INTS11: variants seen among roughly 807,000 people sequenced by gnomAD.
INTS11 encodes the protein CPSF3-like protein.
INTS11 carries 77 observed loss-of-function variants against 78.6 expected under a neutral mutation model. That is an observed-to-expected ratio of 0.98 (90% CI 0.81 to 1.18). The LOEUF (loss-of-function observed/expected upper bound fraction) is 1.18, where lower values mean the gene tolerates loss of function less well. Among genes scored for constraint, INTS11 ranks in the 50% most tolerant of loss-of-function variants. The pLI is 0.00. For missense variants in INTS11, 875 were observed against 825.9 expected, an observed-to-expected ratio of 1.06 and a Z score of -0.73; for synonymous variants, 441 against 326.9, an observed-to-expected ratio of 1.35 and a Z score of -3.77.
At chr1:1,313,427 T>C (rs921073329) in intron 10 of INTS11, 82 bp downstream of exon 10, 41 of 1,504,068 alleles carry the variant, frequency 2.7e-5, no homozygotes, top group Non-Finnish European at 3.6e-5. Flanking sequence ...GCCAAGCCAG[T>C]GAGAGCTCAG....
At chr1:1,313,184 G>C in intron 10 of INTS11, 60 bp from the exon 11 acceptor site, 1 of 1,525,344 alleles carries the variant, frequency 6.6e-7, no homozygotes, top group Non-Finnish European at 8.9e-7. Flanking sequence ...TCAAGGCCTT[G>C]CCCGGGATGC....
At position 1,313,813 on chromosome 1, in the gene INTS11, C is replaced by CGCAA. The variant is rs752230074; in HGVS notation, c.875_876insTTGC (p.Lys292AsnfsTer11). On this transcript the variant is annotated frameshift_variant, in exon 9 of 17. Coordinates refer to ENST00000435064, the MANE Select transcript of INTS11 (RefSeq NM_017871.6). LOFTEE classifies it high-confidence loss of function. ...CAAACATGTTCCTCTGCACGAAAGT[C>CGCAA]TTGCGGATCTTCTGGTTGGTCCAGG... is the stretch of plus-strand genomic sequence containing the variant. The CGCAA allele has an allele frequency of 6.2e-7, 1 of 1,613,428 alleles. No individual in the cohort carries two copies. Among genetic ancestry groups the CGCAA allele is most frequent in the Non-Finnish European group, 8.5e-7 (1 of 1,179,998 alleles).
intron 1 of INTS11, among the ~76,000 whole-genome samples, chr1:1,324,042 G>A (rs1330889633): frequency 2.1e-5 from 1 of 47,506 alleles, no homozygotes; most frequent in Admixed American, 2.0e-4. Flanking sequence ...CTGGAGCGCT[G>A]GGGGGCTGGG....
chr1:1,319,154 C>T (rs1642796113), intron 4 of INTS11, 142 bp downstream of exon 4: 2 of 853,754 alleles, frequency 2.3e-6, no homozygotes, highest in Non-Finnish European at 4.1e-6. Flanking sequence ...CCTGGTGTCC[C>T]CACGGTGCTG....
At chr1:1,319,800 G>A (rs958669224) in intron 3 of INTS11, 10 of 445,162 alleles carry the variant, frequency 2.2e-5, no homozygotes, top group South Asian at 2.0e-4. Flanking sequence ...CCGCGCATAG[G>A]GGAGCCGCTG....
At chr1:1,317,286 C>T (rs192435743) in intron 4 of INTS11, 27 of 156,744 alleles carry the variant, frequency 1.7e-4, no homozygotes, top group Admixed American at 6.6e-4. Flanking sequence ...CCCAGCTACT[C>T]GGGAGGCTGA....
rs1414148125 is a variant in INTS11 at position 1,314,775 on chromosome 1, C to G, written c.702+49G>C. ...AGGGCAGCCAAGCCTGCCAGAAAGA[C>G]CAGCCCAGCATGGCCGAGGGCCCAT... is the stretch of plus-strand genomic sequence containing the variant. On this transcript the variant is annotated intron_variant, in intron 7 of 16. Coordinates refer to ENST00000435064, the MANE Select transcript of INTS11 (RefSeq NM_017871.6). The surrounding 1 kb of genome is among the most constrained non-coding windows in gnomAD (Gnocchi z 4.2). 1.9e-6 allele frequency: 3 copies of G among 1,575,006 alleles called. No homozygotes were observed. Among genetic ancestry groups the G allele is most frequent in the African/African-American group, 1.3e-5 (1 of 74,298 alleles).
chr1:1,320,238 G>A, intron 3 of INTS11: 1 of 558,504 alleles, frequency 1.8e-6, no homozygotes, highest in South Asian at 2.1e-5. Flanking sequence ...GCCGGGTTCA[G>A]AAAGTAGGGT....
rs1241970614 is a variant in INTS11 at position 1,321,018 on chromosome 1, A to T, written c.104T>A (p.Met35Lys). The T allele has an allele frequency of 8.7e-6, 14 of 1,613,038 alleles. No homozygotes were observed. Among genetic ancestry groups the T allele is most frequent in the African/African-American group, 1.3e-5 (1 of 74,934 alleles). ...AGKNVMLDCG[M>K]HMGFNDDRRF... The stretch of plus-strand genomic sequence containing the variant: ...CACGTCGTCATTGAAGCCCATGTGC[A>T]TTCCACAGTCCAGCATGACATTCTT... The change falls in exon 2 of 17, where the codon ATG (methionine) becomes AAG (lysine). Residue 35 changes from methionine to lysine, a missense_variant. Coordinates refer to ENST00000435064, the MANE Select transcript of INTS11 (RefSeq NM_017871.6).
intron 1 of INTS11, chr1:1,322,977 C>T: frequency 3.6e-6 from 5 of 1,370,810 alleles, no homozygotes; most frequent in Non-Finnish European, 4.7e-6. Context: ...ATCAGATGTC[C>T]AGAGAGTGGG....
intron 4 of INTS11, 164 bp downstream of exon 4, chr1:1,319,132 G>C: frequency 1.2e-6 from 1 of 801,490 alleles, no homozygotes; most frequent in Non-Finnish European, 2.3e-6. Context: ...CCGCATCCTC[G>C]CGCTGACGCC....
At position 1,313,834 on chromosome 1, in the gene INTS11, C is replaced by G; in HGVS notation, c.855G>C (p.Trp285Cys). Residue 285 changes from tryptophan (W) to cysteine (C), a missense_variant, in exon 9 of 17, where the codon TGG becomes TGC. Transcript: ENST00000435064. ...AAGTCTTGCGGATCTTCTGGTTGGT[C>G]CAGGGGATGAACAGCTTGTAGTAGT... is the stretch of plus-strand genomic sequence containing the variant. ...ANHYYKLFIP[W>C]TNQKIRKTFV... 6.2e-7 allele frequency: 1 copy of G among 1,613,486 alleles called. No individual in the cohort carries two copies. Among genetic ancestry groups the G allele is most frequent in the Non-Finnish European group, 8.5e-7 (1 of 1,179,984 alleles).
Position 1,312,896 on chromosome 1 carries a change from G to A in INTS11, c.1185C>T (p.Ala395=), listed in dbSNP as rs1409694735. ...EYMSFSAHAD[A]KGIMQLVGQA... is the part of the protein sequence containing the mutation. ...GGCCCACCAGCTGCATGATGCCCTT[G>A]GCGTCCGCGTGTGCGCTGAATGACA... is the stretch of plus-strand genomic sequence containing the variant. Residue 395 remains alanine (A), a synonymous_variant, in exon 12 of 17, where the codon GCC becomes GCT. Coordinates refer to ENST00000435064, the MANE Select transcript of INTS11 (RefSeq NM_017871.6). 7 of 1,612,506 alleles carry A rather than the reference G, an allele frequency of 4.3e-6. No homozygotes were observed. Among genetic ancestry groups the A allele is most frequent in the African/African-American group, 4.0e-5 (3 of 74,948 alleles).
chr1:1,313,949 G>A, intron 8 of INTS11, 28 bp from the exon 9 acceptor site: 1 of 1,601,990 alleles, frequency 6.2e-7, no homozygotes, highest in Non-Finnish European at 8.5e-7. Context: ...AGTCAGCACA[G>A]TGGCCACAGG....
Position 1,313,752 on chromosome 1 carries a change from CA to C in INTS11, c.936del (p.Phe312LeufsTer112), listed in dbSNP as rs556125116. The part of the protein sequence containing the change: ...FKHIKAFDRA[F>X]ADNPGPMVVF... ...CTCACCATCGGTCCTGGGTTGTCAG[CA>C]AAAGCCCGGTCGAAGGCCTTGATGT... is the stretch of plus-strand genomic sequence containing the variant. On this transcript the variant is annotated frameshift_variant, in exon 9 of 17. Coordinates refer to ENST00000435064, the MANE Select transcript of INTS11 (RefSeq NM_017871.6). LOFTEE classifies it high-confidence loss of function. The C allele has an allele frequency of 1.9e-6, 3 of 1,612,970 alleles. No individual in the cohort carries two copies. Among genetic ancestry groups the C allele is most frequent in the Non-Finnish European group, 2.5e-6 (3 of 1,179,934 alleles).
intron 6 of INTS11, 72 bp from the exon 7 acceptor site, chr1:1,315,034 T>C: frequency 6.4e-7 from 1 of 1,568,668 alleles, no homozygotes; most frequent in East Asian, 2.3e-5. Context: ...TGTGACAAGC[T>C]GGACCCCAGT....
Position 1,314,891 on chromosome 1 carries a change from T to G in INTS11, c.635A>C (p.Asp212Ala). Reference sequence around the variant, plus strand: ...GTCTCGCTCCCGGCAGCGCTTGGAGTCACGGATGGTCGTGGCGTACGTGGA... The same window carrying G: ...GTCTCGCTCCCGGCAGCGCTTGGAGGCACGGATGGTCGTGGCGTACGTGGA... ...TESTYATTIRDSKRCRERDFL... is the reference protein window; with the variant it reads ...TESTYATTIRASKRCRERDFL... Residue 212 changes from aspartate to alanine, a missense_variant, in exon 7 of 17, where the codon GAC (aspartate) becomes GCC (alanine). Physicochemically the swap from Asp to Ala is moderately radical, Grantham distance 126. Coordinates refer to ENST00000435064, the MANE Select transcript of INTS11 (RefSeq NM_017871.6). This position sits in a 1 kb window ranked among gnomAD's most constrained non-coding sequence, Gnocchi z 4.2. 6.2e-7 allele frequency: 1 copy of G among 1,612,776 alleles called. No homozygotes were observed. The highest frequency in any genetic ancestry group is 8.5e-7 in the Non-Finnish European group (1 of 1,179,828).
intron 10 of INTS11, 48 bp from the exon 11 acceptor site, chr1:1,313,172 C>T: frequency 6.4e-7 from 1 of 1,559,294 alleles, no homozygotes; most frequent in Non-Finnish European, 8.7e-7. Context: ...AGCCTTGGCA[C>T]CTCAAGGCCT....
chr1:1,322,993 C>T, intron 1 of INTS11: 1 of 1,384,558 alleles, frequency 7.2e-7, no homozygotes, highest in South Asian at 1.7e-5. Flanking sequence ...GTGGGCAGAA[C>T]AGGCAGCCAA....
Sources: allele counts gnomAD v4.1 joint callset (sites outside exome capture counted in the v4.1 genomes callset), GRCh38; gene constraint gnomAD v4.1.1; non-coding constraint Gnocchi (gnomAD v3.1); transcripts MANE v1.5; gene names NCBI Gene and HGNC (gene_info 2026-07-23, HGNC 2026-07-21).